The following MAGI2 variants were observed in gnomAD, a reference collection of about 807,000 sequenced individuals.
The protein encoded by MAGI2 is membrane associated guanylate kinase, WW and PDZ domain containing 2.
MAGI2 carries 35 observed loss-of-function variants against 133.3 expected under a neutral mutation model. The ratio of observed to expected loss-of-function variants is 0.26; its 90% CI spans 0.20 to 0.35. The LOEUF (loss-of-function observed/expected upper bound fraction) is 0.35. Among genes scored for constraint, MAGI2 ranks in the 10% least tolerant of loss-of-function variants. The probability of loss-of-function intolerance (pLI) is 1.00; values close to 1 mark genes in which losing one functional copy is unlikely to be tolerated. For synonymous variants in MAGI2, 729 were observed against 710.6 expected (o/e 1.03, Z -0.41); for missense variants, 1,636 against 1,863.4 (o/e 0.88, Z 2.25).
At chr7:78,344,071 G>T in intron 8 of MAGI2, 111 bp from the exon 9 acceptor site, 5 of 854,424 alleles carry the variant, frequency 5.9e-6, no homozygotes, top group South Asian at 1.8e-5. Context: ...AATGTGGGGG[G>T]TCTTATACAG....
intron 1 of MAGI2, among the ~76,000 whole-genome samples, chr7:79,222,823 T>C (rs1830538617): frequency 6.6e-6 from 1 of 152,118 alleles, no homozygotes; most frequent in African/African-American, 2.4e-5. Flanking sequence ...GGAGAGGGAA[T>C]GCATGTTTGT....
intron 9 of MAGI2, among the ~76,000 whole-genome samples, chr7:78,302,570 A>G (rs1008432253): frequency 6.6e-6 from 1 of 152,178 alleles, no homozygotes; most frequent in Non-Finnish European, 1.5e-5. Flanking sequence ...ACTTTATTAC[A>G]AACGAATATA....
chr7:79,008,544 G>A (rs1024207982), intron 1 of MAGI2, among the ~76,000 whole-genome samples: 3 of 152,016 alleles, frequency 2.0e-5, no homozygotes, highest in Non-Finnish European at 4.4e-5. Flanking sequence ...TTGAGCAAAT[G>A]GTCTCTTAAT....
intron 3 of MAGI2, among the ~76,000 whole-genome samples, chr7:78,569,125 A>AACAC (rs56351234): frequency 0.015 from 2,211 of 148,082 alleles, 30 homozygotes; most frequent in African/African-American, 0.037. Context: ...TGTGCATGCC[A>AACAC]ACACACACAC....
chr7:78,298,530 C>A lies in MAGI2; in HGVS notation c.1409-41949G>T, dbSNP rs552518059. Among the ~76,000 whole-genome samples the A allele has an allele frequency of 2.3e-4, 35 of 152,282 alleles. No individual in the cohort carries two copies. The South Asian group carries it at 2.5e-3, about 11-fold the overall frequency. ...CAAAACTGTTATTGTGTTTTTGAGA[C>A]AGAAACTCTGTCACCCAGCATGAAA... On this transcript the variant is annotated intron_variant, in intron 9 of 21. Transcript: ENST00000354212.
chr7:79,117,152 TTCTA>T (rs1176638613), intron 1 of MAGI2, among the ~76,000 whole-genome samples: 2 of 152,184 alleles, frequency 1.3e-5, no homozygotes, highest in Admixed American at 6.5e-5. Context: ...CCTTAATTGC[TTCTA>T]TCTTAGAGTG....
chr7:78,675,210 G>T (rs1414557430), intron 2 of MAGI2, among the ~76,000 whole-genome samples: 1 of 151,854 alleles, frequency 6.6e-6, no homozygotes, highest in East Asian at 1.9e-4. Flanking sequence ...AAGATCCAGG[G>T]ATCTCTTCAT....
At chr7:78,230,966 A>C (rs1789906741) in intron 10 of MAGI2, among the ~76,000 whole-genome samples, 1 of 152,226 alleles carries the variant, frequency 6.6e-6, no homozygotes, top group African/African-American at 2.4e-5. Context: ...GATGGTCTTT[A>C]GTAATTTCAT....
intron 3 of MAGI2, chr7:78,621,410 T>C (rs1357996524): frequency 6.6e-6 from 1 of 151,976 alleles, no homozygotes; most frequent in African/African-American, 2.4e-5. Flanking sequence ...AACAATAAAA[T>C]TCGTCAACTA....
intron 2 of MAGI2, among the ~76,000 whole-genome samples, chr7:78,827,531 G>A (rs1482339049): frequency 2.0e-5 from 3 of 152,020 alleles, no homozygotes; most frequent in African/African-American, 7.2e-5. Flanking sequence ...CCCGCCTTGG[G>A]TTCCTAATGT....
chr7:78,941,739 C>CAA (rs368279336), intron 2 of MAGI2, among the ~76,000 whole-genome samples: 11,843 of 146,134 alleles, frequency 0.081, 460 homozygotes, highest in African/African-American at 0.092. Flanking sequence ...CACACACACA[C>CAA]ACACACACAC....
intron 2 of MAGI2, among the ~76,000 whole-genome samples, chr7:78,846,796 G>C (rs1792654105): frequency 6.6e-6 from 1 of 151,958 alleles, no homozygotes; most frequent in Admixed American, 6.6e-5. Context: ...ATTTATATCA[G>C]TAATAGTGGC....
In MAGI2 at chr7:78,995,278, T is replaced by A. The variant is rs758689314; in HGVS notation, c.418+11812A>T. 6.9e-4 allele frequency among the ~76,000 whole-genome samples: 105 copies of A among 152,224 alleles called. 1 individual carries two copies. Among genetic ancestry groups the A allele is most frequent in the Non-Finnish European group, 2.9e-5 (2 of 68,012 alleles). On this transcript the variant is annotated intron_variant, in intron 2 of 21. Coordinates refer to ENST00000354212, the MANE Select transcript of MAGI2 (RefSeq NM_012301.4). Reference sequence around the variant, plus strand: ...TTGCAAATGGCCTATGGGCTGTGGGTTGGGTAAGCTTGGTTTAGATAATGT... The same window carrying A: ...TTGCAAATGGCCTATGGGCTGTGGGATGGGTAAGCTTGGTTTAGATAATGT...
chr7:78,255,713 A>C, intron 10 of MAGI2: 1 of 609,480 alleles, frequency 1.6e-6, no homozygotes, highest in Non-Finnish European at 2.9e-6. Context: ...ATATGTCTGT[A>C]AGACTGAAAG....
At chr7:78,476,916 T>A (rs571710292) in intron 6 of MAGI2, among the ~76,000 whole-genome samples, 45 of 152,036 alleles carry the variant, frequency 3.0e-4, no homozygotes, top group African/African-American at 1.1e-3. Context: ...AAAATCATCA[T>A]CAGCCTTGGA....
intron 16 of MAGI2, among the ~76,000 whole-genome samples, chr7:78,143,743 A>G: frequency 6.6e-6 from 1 of 152,142 alleles, no homozygotes; most frequent in Non-Finnish European, 1.5e-5. Flanking sequence ...ATATGCATAG[A>G]GAAAAATACG....
At chr7:78,996,340 CT>C (rs1187792409) in intron 2 of MAGI2, among the ~76,000 whole-genome samples, 1 of 152,152 alleles carries the variant, frequency 6.6e-6, no homozygotes, top group Non-Finnish European at 1.5e-5. Context: ...ATTCCCAAAT[CT>C]TTTGTCACTG....
chr7:78,425,412 T>C (rs1799189546), intron 6 of MAGI2, among the ~76,000 whole-genome samples: 1 of 152,184 alleles, frequency 6.6e-6, no homozygotes, highest in South Asian at 2.1e-4. Context: ...AACAGACTAA[T>C]ACAGTTCAGT....
chr7:78,140,912 AAAATGC>A (rs1822676586), intron 16 of MAGI2, among the ~76,000 whole-genome samples: 2 of 152,236 alleles, frequency 1.3e-5, no homozygotes, highest in South Asian at 4.1e-4. Context: ...TACATAAAGC[AAAATGC>A]AAATGGCAAA....
Sources: gnomAD v4.1 joint callset for allele counts (sites outside exome capture counted in the v4.1 genomes callset) on GRCh38, gnomAD v4.1.1 for gene constraint, MANE v1.5 for transcripts, NCBI Gene and HGNC (gene_info 2026-07-23, HGNC 2026-07-21) for gene names.